ST6GALNAC3: variants seen among roughly 807,000 people sequenced by gnomAD.
ST6GALNAC3 encodes ST6 N-acetylgalactosaminide alpha-2,6-sialyltransferase 3.
A neutral mutation model predicts 32.7 loss-of-function variants in ST6GALNAC3; 25 were observed. That is an observed-to-expected ratio of 0.76 (90% confidence interval 0.56 to 1.07). ST6GALNAC3 has a LOEUF of 1.07. ST6GALNAC3 is among the 50% of genes least tolerant of loss of function. ST6GALNAC3 has a pLI of 0.00. For missense variants in ST6GALNAC3, 355 were observed against 382.4 expected, an observed-to-expected ratio of 0.93 and a Z score of 0.60; for synonymous variants, 129 against 133.1, an observed-to-expected ratio of 0.97 and a Z score of 0.21.
intron 1 of ST6GALNAC3, among the ~76,000 whole-genome samples, chr1:76,144,843 C>T (rs1047592333): frequency 6.6e-6 from 1 of 152,184 alleles, no homozygotes; most frequent in African/African-American, 2.4e-5. Context: ...CCTTGACAAA[C>T]TGTGTAATTT....
At chr1:76,478,760 C>CTTTTTTTTTTTTTTTT in intron 3 of ST6GALNAC3, among the ~76,000 whole-genome samples, 1 of 109,088 alleles carries the variant, frequency 9.2e-6, no homozygotes. Context: ...TTTATTAATT[C>CTTTTTTTTTTTTTTTT]TTTTTTTTTT....
chr1:76,399,654 C>G (rs1029015178), intron 2 of ST6GALNAC3, among the ~76,000 whole-genome samples: 9 of 152,246 alleles, frequency 5.9e-5, no homozygotes, highest in African/African-American at 2.2e-4. Context: ...TATCTTGAAC[C>G]TATAGATTCA....
chr1:76,432,198 T>G (rs925530574), intron 3 of ST6GALNAC3, among the ~76,000 whole-genome samples: 65 of 152,154 alleles, frequency 4.3e-4, no homozygotes, highest in Non-Finnish European at 9.0e-4. Context: ...TGATAGCTCA[T>G]TTGTTTTTAG....
Position 76,300,583 on chromosome 1 carries a change from A to G in ST6GALNAC3, c.19-13222A>G, listed in dbSNP as rs542064224. 2.6e-5 allele frequency among the ~76,000 whole-genome samples: 4 copies of G among 151,976 alleles called. No individual in the cohort carries two copies. The South Asian group carries it at 8.3e-4, about 31-fold the overall frequency. Reference sequence around the variant, plus strand: ...CTTAAGCTGCTGCCTAAGGACAGCTAAGTGCTAAGTTTATTGCTAAGTGGT... The same window carrying G: ...CTTAAGCTGCTGCCTAAGGACAGCTGAGTGCTAAGTTTATTGCTAAGTGGT... On this transcript the variant is annotated intron_variant, in intron 1 of 4. Transcript: ENST00000328299.
chr1:76,588,432 G>C (rs900105158), intron 3 of ST6GALNAC3, among the ~76,000 whole-genome samples: 5 of 152,154 alleles, frequency 3.3e-5, no homozygotes, highest in African/African-American at 7.2e-5. Context: ...AGAAATATAA[G>C]CTAAGGAAAA....
chr1:76,573,347 G>A (rs543555195), intron 3 of ST6GALNAC3, among the ~76,000 whole-genome samples: 63 of 152,156 alleles, frequency 4.1e-4, no homozygotes, highest in African/African-American at 1.4e-3. Flanking sequence ...CTCCTTCCAC[G>A]TAACAAATCT....
At chr1:76,444,796 T>C (rs1405477058) in intron 3 of ST6GALNAC3, among the ~76,000 whole-genome samples, 3 of 152,182 alleles carry the variant, frequency 2.0e-5, no homozygotes, top group African/African-American at 7.2e-5. Context: ...TGCAACTGTA[T>C]GTCCTCTCCT....
At chr1:76,196,718 G>A (rs1011271948) in intron 1 of ST6GALNAC3, among the ~76,000 whole-genome samples, 12 of 152,116 alleles carry the variant, frequency 7.9e-5, no homozygotes, top group South Asian at 2.1e-4. Context: ...CGCCCACCTC[G>A]GCCTCCCAAA....
intron 2 of ST6GALNAC3, among the ~76,000 whole-genome samples, chr1:76,404,697 T>G (rs1159398865): frequency 3.9e-5 from 6 of 152,124 alleles, no homozygotes; most frequent in South Asian, 2.1e-4. Flanking sequence ...TTGTTCAACC[T>G]GCTTTGTTCA....
At chr1:76,622,561 C>T (rs1225161730) in intron 3 of ST6GALNAC3, among the ~76,000 whole-genome samples, 1 of 151,724 alleles carries the variant, frequency 6.6e-6, no homozygotes, top group African/African-American at 2.4e-5. Context: ...CCTCTTAGGA[C>T]CCAGATGAGC....
intron 1 of ST6GALNAC3, among the ~76,000 whole-genome samples, chr1:76,225,599 C>T (rs1043696802): frequency 2.0e-5 from 3 of 152,152 alleles, no homozygotes; most frequent in Non-Finnish European, 4.4e-5. Flanking sequence ...TGGCTTCTAA[C>T]CTGCCATATG....
At chr1:76,601,344 G>A (rs565767081) in intron 3 of ST6GALNAC3, among the ~76,000 whole-genome samples, 1 of 152,296 alleles carries the variant, frequency 6.6e-6, no homozygotes, top group Non-Finnish European at 1.5e-5. Context: ...TAAATGAAAT[G>A]AGTAATGTAA....
intron 3 of ST6GALNAC3, among the ~76,000 whole-genome samples, chr1:76,563,469 AT>A (rs573356549): frequency 1.5e-4 from 23 of 152,100 alleles, no homozygotes. Flanking sequence ...CACCCATACA[AT>A]TTTTGTCAGT....
At chr1:76,419,890 C>T (rs1654903646) in intron 3 of ST6GALNAC3, among the ~76,000 whole-genome samples, 1 of 151,366 alleles carries the variant, frequency 6.6e-6, no homozygotes, top group African/African-American at 2.4e-5. Flanking sequence ...ATGGACTCCT[C>T]TAGTTAGCTC....
intron 3 of ST6GALNAC3, among the ~76,000 whole-genome samples, chr1:76,614,380 C>T (rs341025): frequency 0.15 from 22,777 of 152,104 alleles, 1,771 homozygotes; most frequent in South Asian, 0.2. Context: ...ATTTTTAACC[C>T]TTTGCTGCAT....
chr1:76,412,056 C>CACAA lies in ST6GALNAC3; in HGVS notation c.263_264insCAAA (p.Gln88HisfsTer11). 1.2e-6 allele frequency: 2 copies of CACAA among 1,613,554 alleles called. No individual in the cohort carries two copies. Among genetic ancestry groups the CACAA allele is most frequent in the Non-Finnish European group, 1.7e-6 (2 of 1,179,728 alleles). On this transcript the variant is annotated frameshift_variant, in exon 3 of 5. Coordinates refer to ENST00000328299, the MANE Select transcript of ST6GALNAC3 (RefSeq NM_152996.4). LOFTEE classifies it high-confidence loss of function. ...TTGTGCCATAGTGTCAAACTCAGGT[C>CACAA]AGATGGTTGGCCAGAAGGTGGGAAA...
chr1:76,225,486 C>G (rs1656015109), intron 1 of ST6GALNAC3, among the ~76,000 whole-genome samples: 1 of 152,032 alleles, frequency 6.6e-6, no homozygotes, highest in Non-Finnish European at 1.5e-5. Flanking sequence ...GGAAAACAAA[C>G]CCATTAAAGA....
At chr1:76,093,172 G>A (rs1215885272) in intron 1 of ST6GALNAC3, among the ~76,000 whole-genome samples, 1 of 152,132 alleles carries the variant, frequency 6.6e-6, no homozygotes, top group East Asian at 1.9e-4. Context: ...GGAATAAAGT[G>A]GAAACACTGT....
At chr1:76,620,168 G>A (rs982359587) in intron 3 of ST6GALNAC3, among the ~76,000 whole-genome samples, 5 of 152,002 alleles carry the variant, frequency 3.3e-5, no homozygotes, top group Admixed American at 6.6e-5. Flanking sequence ...GAGAGTAAAC[G>A]GAATTGCAGC....
Sources: gnomAD v4.1 joint callset for allele counts (sites outside exome capture counted in the v4.1 genomes callset) on GRCh38, gnomAD v4.1.1 for gene constraint, MANE v1.5 for transcripts, NCBI Gene and HGNC (gene_info 2026-07-23, HGNC 2026-07-21) for gene names.